The following STK3 variants were observed in gnomAD, a reference collection of about 807,000 sequenced individuals.
STK3 encodes the protein serine/threonine kinase 3, also known as serine/threonine-protein kinase 3.
A neutral mutation model predicts 58.0 loss-of-function variants in STK3; 41 were observed. The ratio of observed to expected loss-of-function variants is 0.71; its 90% CI spans 0.55 to 0.92. The LOEUF (loss-of-function observed/expected upper bound fraction) is 0.92. Ranked by LOEUF, STK3 falls within the 40% of genes least tolerant of loss-of-function variation. The pLI is 0.00. For synonymous variants in STK3, 170 were observed against 191.0 expected (o/e 0.89, Z 0.91); for missense variants, 479 against 602.7 (o/e 0.79, Z 2.15).
chr8:98,485,241 C>CAG (rs1822161309), intron 10 of STK3, among the ~76,000 whole-genome samples: 3 of 147,014 alleles, frequency 2.0e-5, no homozygotes, highest in Non-Finnish European at 4.5e-5. Context: ...AACTGCGTCT[C>CAG]AAAAAAAAAA....
intron 6 of STK3, among the ~76,000 whole-genome samples, chr8:98,620,829 A>C (rs1315153402): frequency 6.6e-6 from 1 of 152,146 alleles, no homozygotes; most frequent in East Asian, 1.9e-4. Flanking sequence ...TAAAGTTTCT[A>C]AATATATTTT....
At chr8:98,571,555 C>T (rs930541994) in intron 8 of STK3, among the ~76,000 whole-genome samples, 1 of 152,144 alleles carries the variant, frequency 6.6e-6, no homozygotes, top group Non-Finnish European at 1.5e-5. Flanking sequence ...ATTATTCAGA[C>T]ATTAAGGACC....
At chr8:98,429,510 G>T (rs2131070652) in intron 3 of STK3, 3 of 857,358 alleles carry the variant, frequency 3.5e-6, no homozygotes, top group Middle Eastern at 3.1e-4. Context: ...TAAGGAGTAT[G>T]CCCAGCCCCT....
rs570478368 is a variant in STK3 at position 98,552,281 on chromosome 8, C to G, written c.949-4120G>C. Among the ~76,000 whole-genome samples the G allele has an allele frequency of 3.3e-5, 5 of 152,242 alleles. 1 individual carries two copies. In the Middle Eastern group the frequency reaches 0.017, roughly 518 times the overall value. On this transcript the variant is annotated intron_variant, in intron 8 of 10. Transcript: ENST00000419617. ...TTTTTGCCCCTTTTAGTCTCACTCA[C>G]ATAGGCAGATTGATCCCTTCAGAAG...
At chr8:98,671,338 G>A (rs562143500) in intron 6 of STK3, among the ~76,000 whole-genome samples, 55 of 152,022 alleles carry the variant, frequency 3.6e-4, no homozygotes, top group African/African-American at 1.3e-3. Flanking sequence ...CCATTTCCAT[G>A]GTAAGGAACA....
At chr8:98,682,251 GA>G (rs1433850876) in intron 6 of STK3, among the ~76,000 whole-genome samples, 1 of 152,052 alleles carries the variant, frequency 6.6e-6, no homozygotes, top group Non-Finnish European at 1.5e-5. Context: ...TAAAAATGAA[GA>G]AAAACCATGG....
chr8:98,545,341 G>A (rs1810613261), intron 9 of STK3, among the ~76,000 whole-genome samples: 1 of 152,208 alleles, frequency 6.6e-6, no homozygotes, highest in Non-Finnish European at 1.5e-5. Flanking sequence ...CATGGGGAAT[G>A]AGGAGGCCTT....
chr8:98,344,908 A>G, the STK3 span, among the ~76,000 whole-genome samples: 12 of 150,156 alleles, frequency 8.0e-5, no homozygotes, highest in East Asian at 7.7e-4. Context: ...AAAAAAAAAA[A>G]AAAAAAAAAA....
chr8:98,694,749 A>G (rs1448699760), intron 6 of STK3, among the ~76,000 whole-genome samples: 3 of 152,098 alleles, frequency 2.0e-5, no homozygotes, highest in Non-Finnish European at 4.4e-5. Context: ...CCAGTCTATC[A>G]TTGTTGGACA....
chr8:98,476,504 C>T (rs1345490204), intron 10 of STK3, among the ~76,000 whole-genome samples: 1 of 152,176 alleles, frequency 6.6e-6, no homozygotes, highest in African/African-American at 2.4e-5. Context: ...GCAGGATTTT[C>T]ATTCCAACAG....
intron 1 of STK3, among the ~76,000 whole-genome samples, chr8:98,915,927 C>T (rs1357871147): frequency 6.6e-6 from 1 of 152,104 alleles, no homozygotes; most frequent in Non-Finnish European, 1.5e-5. Flanking sequence ...CTATGAAAGG[C>T]AGAAGAAAAT....
chr8:98,346,733 A>C, the STK3 span, among the ~76,000 whole-genome samples: 1 of 151,874 alleles, frequency 6.6e-6, no homozygotes. Context: ...AAAGTGAAAT[A>C]AAAACTTCTT....
upstream of STK3, among the ~76,000 whole-genome samples, chr8:98,829,360 G>A (rs796355743): frequency 4.6e-5 from 7 of 152,208 alleles, no homozygotes; most frequent in African/African-American, 1.7e-4. Context: ...CTTTTCAATT[G>A]ACACTAATTT....
chr8:98,630,145 TG>T (rs1819070851), intron 6 of STK3, among the ~76,000 whole-genome samples: 1 of 152,224 alleles, frequency 6.6e-6, no homozygotes, highest in Non-Finnish European at 1.5e-5. Context: ...GAGCACTATG[TG>T]GCGTGGCATA....
At chr8:98,579,068 T>C (rs1260226233) in intron 8 of STK3, among the ~76,000 whole-genome samples, 1 of 152,090 alleles carries the variant, frequency 6.6e-6, no homozygotes, top group Non-Finnish European at 1.5e-5. Context: ...GGAGAATCGC[T>C]TGAACCCGGG....
In STK3 at chr8:98,529,104, A is replaced by G. The variant is rs148110992; in HGVS notation, c.1142-2187T>C. ...CCTAGCACAGTTGAAAACTACAGTT[A>G]CTACTATGACAACTAAGTAACAATG... On this transcript the variant is annotated intron_variant, in intron 9 of 10. Transcript: ENST00000419617. 3.9e-3 allele frequency among the ~76,000 whole-genome samples: 591 copies of G among 152,370 alleles called. 3 individuals carry two copies. Among genetic ancestry groups the G allele is most frequent in the African/African-American group, 0.014 (569 of 41,584 alleles).
chr8:98,456,534 C>T (rs1819500634), intron 10 of STK3, among the ~76,000 whole-genome samples: 1 of 152,212 alleles, frequency 6.6e-6, no homozygotes, highest in South Asian at 2.1e-4. Flanking sequence ...GCTGAATAGG[C>T]CTGGTGGGGC....
At chr8:98,803,455 A>C (rs541230552) in intron 1 of STK3, among the ~76,000 whole-genome samples, 3 of 152,004 alleles carry the variant, frequency 2.0e-5, no homozygotes, top group East Asian at 3.9e-4. Flanking sequence ...TTAGCCGGGC[A>C]TGGTAGGGGA....
intron 1 of STK3, among the ~76,000 whole-genome samples, chr8:98,385,259 C>T (rs73272089): frequency 6.7e-6 from 1 of 150,168 alleles, no homozygotes; most frequent in African/African-American, 2.5e-5. Flanking sequence ...GAGTGGGGGT[C>T]GGGGGGAGGT....
Sources: gnomAD v4.1 joint callset for allele counts (sites outside exome capture counted in the v4.1 genomes callset) on GRCh38, gnomAD v4.1.1 for gene constraint, MANE v1.5 for transcripts, NCBI Gene and HGNC (gene_info 2026-07-23, HGNC 2026-07-21) for gene names.